The following SORCS3 variants were observed in gnomAD, a reference collection of about 807,000 sequenced individuals.
The protein encoded by SORCS3 is sortilin related VPS10 domain containing receptor 3, also known as VPS10 domain-containing receptor SorCS3.
A neutral mutation model predicts 146.3 loss-of-function variants in SORCS3; 57 were observed. The observed-to-expected ratio is 0.39, with a 90% confidence interval of 0.31 to 0.49. SORCS3 has a LOEUF of 0.49. SORCS3 is among the 20% of genes least tolerant of loss of function. SORCS3 has a pLI of 0.92. For missense variants in SORCS3, 1,341 were observed against 1,575.5 expected, an observed-to-expected ratio of 0.85 and a Z score of 2.52; for synonymous variants, 653 against 618.5, an observed-to-expected ratio of 1.06 and a Z score of -0.83.
chr10:105,103,084 T>C (rs1317582368), intron 6 of SORCS3, among the ~76,000 whole-genome samples: 1 of 152,074 alleles, frequency 6.6e-6, no homozygotes, highest in East Asian at 1.9e-4. Flanking sequence ...AAATTTAACA[T>C]TTAAAAAATA....
chr10:105,254,068 A>T (rs1292986229), intron 23 of SORCS3, among the ~76,000 whole-genome samples: 1 of 152,204 alleles, frequency 6.6e-6, no homozygotes, highest in Non-Finnish European at 1.5e-5. Flanking sequence ...TTCATGTGGG[A>T]ATTACAGAGT....
intron 14 of SORCS3, among the ~76,000 whole-genome samples, chr10:105,197,977 C>T (rs1189547048): frequency 6.6e-6 from 1 of 152,152 alleles, no homozygotes; most frequent in Non-Finnish European, 1.5e-5. Context: ...ACTACTCACA[C>T]CTCCCTCTTG....
intron 9 of SORCS3, among the ~76,000 whole-genome samples, chr10:105,149,471 A>G (rs886457985): frequency 6.6e-6 from 1 of 152,168 alleles, no homozygotes; most frequent in African/African-American, 2.4e-5. Flanking sequence ...TAAGGGGAGT[A>G]AATACCTTTG....
At chr10:104,842,751 C>CTTTT in intron 1 of SORCS3, 41 bp from the exon 2 acceptor site, 2 of 1,519,910 alleles carry the variant, frequency 1.3e-6, no homozygotes, top group Admixed American at 3.5e-5. Context: ...TTTTCCCTCC[C>CTTTT]TTTGTTCCTC....
intron 4 of SORCS3, among the ~76,000 whole-genome samples, chr10:105,024,455 G>A (rs1402559704): frequency 5.9e-5 from 9 of 152,162 alleles, no homozygotes; most frequent in African/African-American, 2.2e-4. Flanking sequence ...ATCTGTCAGG[G>A]TTATTAGTTT....
intron 1 of SORCS3, among the ~76,000 whole-genome samples, chr10:104,679,757 G>A (rs1034063747): frequency 6.6e-6 from 1 of 152,118 alleles, no homozygotes; most frequent in Middle Eastern, 3.2e-3. Flanking sequence ...TTCTGCCTTG[G>A]TGGAGGGTTT....
rs2015805368 is a variant in SORCS3, at chr10:104,668,099, G to C, written c.627+26145G>C. Among the ~76,000 whole-genome samples, 3 of 152,178 alleles carry C rather than the reference G, an allele frequency of 2.0e-5. No homozygotes were observed. In the South Asian group the frequency reaches 6.2e-4, roughly 32 times the overall value. On this transcript the variant is annotated intron_variant, in intron 1 of 26. Transcript: ENST00000369701. ...TCCAGTGTCTGGGCTGCCCAACTCA[G>C]ATGAGCACCTTGCTGGTTGGAGGTC... is the stretch of plus-strand genomic sequence containing the variant.
At chr10:105,046,512 T>C (rs1249377477) in intron 5 of SORCS3, among the ~76,000 whole-genome samples, 1 of 152,134 alleles carries the variant, frequency 6.6e-6, no homozygotes, top group Non-Finnish European at 1.5e-5. Context: ...TGCATGTCTC[T>C]CGTCTGTTCC....
chr10:104,994,583 C>T (rs2055012634), intron 4 of SORCS3, among the ~76,000 whole-genome samples: 1 of 152,180 alleles, frequency 6.6e-6, no homozygotes, highest in African/African-American at 2.4e-5. Flanking sequence ...TCCTTGTGCT[C>T]CTTTGTAATT....
chr10:104,668,968 C>T (rs761972131), intron 1 of SORCS3, among the ~76,000 whole-genome samples: 11 of 152,148 alleles, frequency 7.2e-5, no homozygotes, highest in East Asian at 1.9e-4. Flanking sequence ...TATCTTCCAG[C>T]GGGGAAGTTA....
chr10:105,123,544 A>G (rs1473068270), intron 7 of SORCS3, among the ~76,000 whole-genome samples: 1 of 152,184 alleles, frequency 6.6e-6, no homozygotes, highest in East Asian at 1.9e-4. Flanking sequence ...TCCAAAAAGT[A>G]AATAAGAAAG....
chr10:104,851,156 A>G (rs1429796901), intron 2 of SORCS3, among the ~76,000 whole-genome samples: 2 of 152,218 alleles, frequency 1.3e-5, no homozygotes, highest in African/African-American at 2.4e-5. Context: ...GAATTGAGAA[A>G]TGAGAACACT....
intron 3 of SORCS3, among the ~76,000 whole-genome samples, chr10:104,972,433 A>G (rs961649493): frequency 3.9e-5 from 6 of 152,220 alleles, no homozygotes; most frequent in Non-Finnish European, 7.3e-5. Context: ...CTTTGGGGCT[A>G]TATGTTTTGG....
intron 4 of SORCS3, among the ~76,000 whole-genome samples, chr10:105,024,458 A>C (rs2055215090): frequency 6.6e-6 from 1 of 152,182 alleles, no homozygotes; most frequent in African/African-American, 2.4e-5. Flanking sequence ...TGTCAGGGTT[A>C]TTAGTTTTAG....
intron 2 of SORCS3, among the ~76,000 whole-genome samples, chr10:104,906,060 G>A (rs1248942314): frequency 6.6e-6 from 1 of 152,124 alleles, no homozygotes; most frequent in Non-Finnish European, 1.5e-5. Flanking sequence ...TTTTATCCTG[G>A]AGGTTTCTGG....
intron 4 of SORCS3, among the ~76,000 whole-genome samples, chr10:105,041,251 A>G (rs1267868953): frequency 6.7e-6 from 1 of 149,100 alleles, no homozygotes; most frequent in Non-Finnish European, 1.5e-5. Context: ...TCATAGACCA[A>G]TTGGGATCTG....
chr10:105,154,237 G>A (rs2056189632), intron 9 of SORCS3, among the ~76,000 whole-genome samples: 1 of 152,152 alleles, frequency 6.6e-6, no homozygotes, highest in African/African-American at 2.4e-5. Flanking sequence ...CAGCTGCTTA[G>A]AGACTCCACA....
intron 7 of SORCS3, among the ~76,000 whole-genome samples, chr10:105,106,194 G>T (rs182410754): frequency 6.6e-6 from 1 of 152,284 alleles, no homozygotes; most frequent in East Asian, 1.9e-4. Context: ...CATGGTATTT[G>T]ATTGCAACCT....
chr10:105,202,207 T>C (rs142083398), intron 16 of SORCS3, among the ~76,000 whole-genome samples: 184 of 152,316 alleles, frequency 1.2e-3, no homozygotes, highest in African/African-American at 4.3e-3. Flanking sequence ...ACACTTAGAA[T>C]ACTCCAATAT....
Sources: gnomAD v4.1 joint callset for allele counts (sites outside exome capture counted in the v4.1 genomes callset) on GRCh38, gnomAD v4.1.1 for gene constraint, MANE v1.5 for transcripts, NCBI Gene and HGNC (gene_info 2026-07-23, HGNC 2026-07-21) for gene names.